The following CYTH2 variants were observed in gnomAD, a reference collection of about 807,000 sequenced individuals.
CYTH2 encodes cytohesin-2.
Under a neutral mutation model 55.4 loss-of-function variants are expected in CYTH2, and 24 were observed. That is an observed-to-expected ratio of 0.43 (90% CI 0.31 to 0.61). CYTH2 has a LOEUF of 0.61. Among genes scored for constraint, CYTH2 ranks in the 20% least tolerant of loss-of-function variants. The probability of loss-of-function intolerance (pLI) is 0.08; values close to 1 mark genes in which losing one functional copy is unlikely to be tolerated. For missense variants in CYTH2, 378 were observed against 533.5 expected (o/e 0.71, Z 2.87); for synonymous variants, 221 against 209.6 (o/e 1.05, Z -0.47).
chr19:48,472,562 C>A, intron 4 of CYTH2, 119 bp downstream of exon 4: 2 of 849,276 alleles, frequency 2.4e-6, no homozygotes, highest in Non-Finnish European at 3.9e-6. Flanking sequence ...CAGAGGGGCC[C>A]TGGCAGATCA....
intron 8 of CYTH2, 66 bp from the exon 9 acceptor site, chr19:48,478,003 C>T (rs1230709808): frequency 8.1e-6 from 11 of 1,360,854 alleles, no homozygotes; most frequent in African/African-American, 4.3e-5. Context: ...TCTCACGCCC[C>T]TCCCATCTCC....
chr19:48,476,050 C>T (rs745522102), intron 8 of CYTH2: 24 of 518,550 alleles, frequency 4.6e-5, no homozygotes, highest in African/African-American at 4.4e-4. Flanking sequence ...CAGCTTTGGC[C>T]TCTGAGTCTT....
In CYTH2 at chr19:48,480,987, G is replaced by A. The variant is rs558411184; in HGVS notation, c.*1777G>A. Reference sequence around the variant, plus strand: ...CAGGCGGCCGGTCGCGTGGGGCCTGGGCCGCCCCAGGAGGGCCTCTGGCTG... The same window carrying A: ...CAGGCGGCCGGTCGCGTGGGGCCTGAGCCGCCCCAGGAGGGCCTCTGGCTG... On this transcript the variant is annotated 3_prime_UTR_variant, in exon 12 of 12. Transcript: ENST00000452733. 213 of 152,352 alleles carry A rather than the reference G, an allele frequency of 1.4e-3. No homozygotes were observed. The highest frequency in any genetic ancestry group is 3.4e-3 in the Middle Eastern group (1 of 294). The allele number at this position is 152,352 out of a possible 1,614,324, so 9.4% of individuals were successfully genotyped here. A position where few individuals can be genotyped will look rare whatever the true frequency, so the allele number is the denominator to read the frequency against.
intron 9 of CYTH2, 57 bp from the exon 10 acceptor site, chr19:48,478,218 G>GA (rs1971960540): frequency 3.7e-6 from 6 of 1,612,748 alleles, no homozygotes; most frequent in Non-Finnish European, 5.1e-6. Context: ...GGGGCTGAGG[G>GA]AGGTGGGGTG....
intron 5 of CYTH2, 191 bp downstream of exon 5, chr19:48,473,569 G>T: frequency 1.6e-6 from 1 of 622,984 alleles, no homozygotes; most frequent in Non-Finnish European, 2.8e-6. Flanking sequence ...ATATCCAGGA[G>T]CTCAAATGGT....
intron 1 of CYTH2, chr19:48,469,944 C>A: frequency 1.8e-6 from 1 of 554,006 alleles, no homozygotes; most frequent in Admixed American, 2.2e-5. Flanking sequence ...GTTCCCCCGG[C>A]TGTAGTGACT....
At chr19:48,473,655 G>C in intron 5 of CYTH2, 1 of 594,896 alleles carries the variant, frequency 1.7e-6, no homozygotes. Flanking sequence ...CCGCTTACCT[G>C]ATAACAAGCC....
At chr19:48,472,892 C>A in intron 4 of CYTH2, 1 of 308,218 alleles carries the variant, frequency 3.2e-6, no homozygotes, top group South Asian at 3.1e-5. Context: ...TGATTGGAGG[C>A]CATCTGTGGA....
In CYTH2 at chr19:48,475,158, C is replaced by T. The variant is rs2147508828; in HGVS notation, c.808+209C>T. 5 of 546,130 alleles carry T rather than the reference C, an allele frequency of 9.2e-6. No homozygotes were observed. In the East Asian group the frequency reaches 1.6e-4, roughly 17 times the overall value. The allele number at this position is 546,130 out of a possible 1,614,324, so 33.8% of individuals were successfully genotyped here. On this transcript the variant is annotated intron_variant, in intron 8 of 11. Transcript: ENST00000452733. Reference sequence around the variant, plus strand: ...TGGCCTGTAGTAAGTACTTCCCAACCCCTTCTCTTGACCCACAAATGTTGA... The same window carrying T: ...TGGCCTGTAGTAAGTACTTCCCAACTCCTTCTCTTGACCCACAAATGTTGA...
chr19:48,479,150 T>C lies in CYTH2; in HGVS notation c.1140T>C (p.Tyr380=). Residue 380 remains tyrosine, a synonymous_variant, in exon 12 of 12, where the codon TAT becomes TAC. Coordinates refer to ENST00000452733, the MANE Select transcript of CYTH2 (RefSeq NM_004228.7). ...CGGCTGTGAGTGTGGACCCCTTCTA[T>C]GAGATGCTGGCAGCGAGAAAGAAGC... ...IQAAVSVDPF[Y]EMLAARKKRI... is the part of the protein sequence containing the mutation. 6.2e-7 allele frequency: 1 copy of C among 1,611,758 alleles called. No individual in the cohort carries two copies. The highest frequency in any genetic ancestry group is 1.3e-5 in the African/African-American group (1 of 74,970).
At chr19:48,471,893 T>C (rs1486002223) in intron 3 of CYTH2, among the ~76,000 whole-genome samples, 1 of 151,930 alleles carries the variant, frequency 6.6e-6, no homozygotes, top group Non-Finnish European at 1.5e-5. Flanking sequence ...CTAGAAAAAA[T>C]ATAAATAAAT....
intron 4 of CYTH2, chr19:48,473,057 C>T: frequency 2.0e-6 from 1 of 504,262 alleles, no homozygotes; most frequent in Non-Finnish European, 3.6e-6. Flanking sequence ...GGCATTTCTC[C>T]CAACTGTACA....
Position 48,474,145 on chromosome 19 carries a change from A to G in CYTH2, c.548-37A>G, listed in dbSNP as rs1394542863. ...GGGAATGGGGGCACTGGGGACTGAC[A>G]TGCCTGGGTCGTCACCACCTGCCCT... On this transcript the variant is annotated intron_variant, in intron 6 of 11. Coordinates refer to ENST00000452733, the MANE Select transcript of CYTH2 (RefSeq NM_004228.7). The surrounding 1 kb of genome is among the most constrained non-coding windows in gnomAD (Gnocchi z 4.9). 1 of 1,558,574 alleles carries G rather than the reference A, an allele frequency of 6.4e-7. No homozygotes were observed.
intron 5 of CYTH2, 21 bp downstream of exon 5, chr19:48,473,399 T>C: frequency 6.2e-7 from 1 of 1,612,922 alleles, no homozygotes; most frequent in Non-Finnish European, 8.5e-7. Context: ...GGGAGGGGTT[T>C]GGAACGCCAG....
intron 11 of CYTH2, 141 bp downstream of exon 11, chr19:48,478,733 G>A: frequency 1.1e-6 from 1 of 918,420 alleles, no homozygotes. Flanking sequence ...GACGGAGGAG[G>A]GGCTGGGGCC....
At chr19:48,470,100 C>CGG (rs1158216857) in intron 1 of CYTH2, 15 of 692,196 alleles carry the variant, frequency 2.2e-5, no homozygotes, top group Non-Finnish European at 3.5e-5. Context: ...TCTAAGAGCT[C>CGG]AGGCACCCAT....
chr19:48,471,998 A>G (rs540848037), intron 3 of CYTH2, among the ~76,000 whole-genome samples: 4 of 152,308 alleles, frequency 2.6e-5, no homozygotes, highest in African/African-American at 9.6e-5. Context: ...CGAAGCTGCA[A>G]TGAGCTGTGA....
chr19:48,470,142 C>A, intron 1 of CYTH2: 3 of 801,350 alleles, frequency 3.7e-6, no homozygotes, highest in Non-Finnish European at 4.2e-6. Flanking sequence ...GGAATCCGGG[C>A]CCCAATTCCC....
Position 48,473,542 on chromosome 19 carries a change from C to A in CYTH2, c.434+164C>A. On this transcript the variant is annotated intron_variant, in intron 5 of 11. Coordinates refer to ENST00000452733, the MANE Select transcript of CYTH2 (RefSeq NM_004228.7). ...CACCATAAAAGTTCAGGGTTATGGC[C>A]TCCTTCAGGTATGGCTATATCCAGG... The A allele has an allele frequency of 1.0e-5, 7 of 684,428 alleles. No individual in the cohort carries two copies. The South Asian group carries it at 1.3e-4, about 13-fold the overall frequency. The allele number at this position is 684,428 out of a possible 1,614,324, so 42.4% of individuals were successfully genotyped here.
Sources: allele counts gnomAD v4.1 joint callset (sites outside exome capture counted in the v4.1 genomes callset), GRCh38; gene constraint gnomAD v4.1.1; non-coding constraint Gnocchi (gnomAD v3.1); transcripts MANE v1.5; gene names NCBI Gene and HGNC (gene_info 2026-07-23, HGNC 2026-07-21).